Variants in NME9 observed in about 807,000 individuals in gnomAD.
NME9 encodes thioredoxin domain-containing protein 6.
NME9 carries 48 observed loss-of-function variants against 44.4 expected under a neutral mutation model. The ratio of observed to expected loss-of-function variants is 1.08; its 90% CI spans 0.86 to 1.37. The LOEUF is 1.37. Ranked by LOEUF, NME9 falls within the 40% of genes most tolerant of loss-of-function variation. NME9 has a pLI of 0.00. For synonymous variants in NME9, 139 were observed against 147.1 expected (o/e 0.94, Z 0.40); for missense variants, 325 against 405.2 (o/e 0.80, Z 1.70).
At position 138,318,015 on chromosome 3, in the gene NME9, G is replaced by T. The variant is rs907575374; in HGVS notation, c.267+133C>A. 12 of 669,902 alleles carry T rather than the reference G, an allele frequency of 1.8e-5. No individual in the cohort carries two copies. The African/African-American group carries it at 2.0e-4, about 11-fold the overall frequency. 41.5% of individuals were successfully genotyped at this position (669,902 alleles called of 1,614,324 possible). A position where few individuals can be genotyped will look rare whatever the true frequency, so the allele number is the denominator to read the frequency against. On this transcript the variant is annotated intron_variant, in intron 4 of 10. Coordinates refer to ENST00000333911, the MANE Select transcript of NME9 (RefSeq NM_001349018.2). Reference sequence around the variant, plus strand: ...GGCATCAGAGAAAACAGCATCACTTGTTTGAATCTGTGAGGCCTCTTGGTG... The same window carrying T: ...GGCATCAGAGAAAACAGCATCACTTTTTTGAATCTGTGAGGCCTCTTGGTG...
intron 8 of NME9, chr3:138,264,133 G>A (rs1191013521): frequency 6.2e-7 from 1 of 1,612,352 alleles, no homozygotes; most frequent in Admixed American, 1.7e-5. Flanking sequence ...CTTTGTAGAT[G>A]TTTGCACAGT....
rs369868938 is a variant in NME9 at position 138,304,825 on chromosome 3, G to A, written c.791+48C>T. The A allele has an allele frequency of 5.7e-6, 9 of 1,583,356 alleles. No individual in the cohort carries two copies. In the African/African-American group the frequency reaches 1.1e-4, roughly 19 times the overall value. On this transcript the variant is annotated intron_variant, in intron 9 of 10. Transcript: ENST00000333911. ...ACACTGAGTGGGACTCAGCCTCCTG[G>A]GATGCAGGTTTTAAGATGGATGAAA...
chr3:138,293,599 G>C (rs2051194312), intron 8 of NME9, among the ~76,000 whole-genome samples: 1 of 152,046 alleles, frequency 6.6e-6, no homozygotes, highest in Non-Finnish European at 1.5e-5. Flanking sequence ...CTGGTCAGAT[G>C]AGTGTACCAT....
At chr3:138,272,745 C>A (rs1414696201) in intron 8 of NME9, among the ~76,000 whole-genome samples, 1 of 152,040 alleles carries the variant, frequency 6.6e-6, no homozygotes, top group African/African-American at 2.4e-5. Flanking sequence ...CGTGGTGGCT[C>A]GCGCCTGTAC....
intron 8 of NME9, among the ~76,000 whole-genome samples, chr3:138,286,263 A>G (rs776901108): frequency 6.6e-6 from 1 of 152,070 alleles, no homozygotes; most frequent in Non-Finnish European, 1.5e-5. Flanking sequence ...GACTTCTTAA[A>G]AGCATCTTTT....
intron 8 of NME9, among the ~76,000 whole-genome samples, chr3:138,275,206 T>C (rs1030504042): frequency 6.6e-6 from 1 of 152,248 alleles, no homozygotes; most frequent in Admixed American, 6.5e-5. Context: ...CCAGAGATAC[T>C]GGCGATCTTC....
At chr3:138,282,602 A>C (rs1199582862) in intron 8 of NME9, among the ~76,000 whole-genome samples, 9 of 145,518 alleles carry the variant, frequency 6.2e-5, no homozygotes, top group Admixed American at 5.8e-4. Context: ...GCCCAGATGC[A>C]CTCTAGCCTG....
intron 8 of NME9, among the ~76,000 whole-genome samples, chr3:138,288,388 T>C (rs2050621940): frequency 6.6e-6 from 1 of 152,254 alleles, no homozygotes; most frequent in Admixed American, 6.5e-5. Context: ...AATTGTCATA[T>C]GACAGTGTTT....
intron 8 of NME9, among the ~76,000 whole-genome samples, chr3:138,282,680 C>T (rs2050051911): frequency 6.6e-6 from 1 of 151,170 alleles, no homozygotes; most frequent in Non-Finnish European, 1.5e-5. Flanking sequence ...ATTTAATTAC[C>T]TTATCCTGTA....
Position 138,290,586 on chromosome 3 carries a change from C to T in NME9, c.745+12921G>A, listed in dbSNP as rs1204179969. ...AGGATAAATTACGAGACATGGGCAT[C>T]GTAGATATTCTACACAAACTGAGTC... is the stretch of plus-strand genomic sequence containing the variant. On this transcript the variant is annotated intron_variant, in intron 8 of 8. Transcript: ENST00000317876. 6 of 1,607,410 alleles carry T rather than the reference C, an allele frequency of 3.7e-6. No individual in the cohort carries two copies. The Admixed American group carries it at 5.1e-5, about 14-fold the overall frequency.
intron 10 of NME9, among the ~76,000 whole-genome samples, chr3:138,302,158 T>A (rs2108426369): frequency 6.6e-6 from 1 of 152,294 alleles, no homozygotes; most frequent in Middle Eastern, 3.4e-3. Flanking sequence ...CTAACTACAG[T>A]GGAGGCATAT....
chr3:138,278,654 G>A (rs77269851), intron 8 of NME9, among the ~76,000 whole-genome samples: 2,438 of 152,212 alleles, frequency 0.016, 35 homozygotes, highest in Middle Eastern at 0.044. Context: ...TTGGGAGGAC[G>A]TGACATCTTA....
At chr3:138,327,689 C>T (rs1161826386) in intron 1 of NME9, among the ~76,000 whole-genome samples, 2 of 152,120 alleles carry the variant, frequency 1.3e-5, no homozygotes, top group Admixed American at 6.5e-5. Flanking sequence ...TTAGGCATTG[C>T]TTTCAAGGGG....
intron 8 of NME9, among the ~76,000 whole-genome samples, chr3:138,293,887 G>A (rs964500246): frequency 1.3e-5 from 2 of 152,174 alleles, no homozygotes; most frequent in African/African-American, 4.8e-5. Context: ...GACCACTCTG[G>A]TGCTGTTTTC....
At chr3:138,305,971 G>A (rs2052224617) in intron 8 of NME9, 33 bp downstream of exon 8, 1 of 1,328,550 alleles carries the variant, frequency 7.5e-7, no homozygotes, top group African/African-American at 1.4e-5. Flanking sequence ...AGAAACGACA[G>A]TGTGTTGAAC....
intron 8 of NME9, among the ~76,000 whole-genome samples, chr3:138,294,530 C>A (rs1299966719): frequency 2.6e-5 from 4 of 152,176 alleles, no homozygotes; most frequent in Admixed American, 1.3e-4. Context: ...TCTTTAGAGT[C>A]TTATATAATT....
At chr3:138,290,510 G>A in intron 8 of NME9, 2 of 1,472,256 alleles carry the variant, frequency 1.4e-6, no homozygotes, top group East Asian at 2.4e-5. Context: ...CATTTGCCTG[G>A]GTCATGTTCC....
At chr3:138,305,210 G>C (rs2052156293) in intron 8 of NME9, among the ~76,000 whole-genome samples, 183 bp from the exon 9 acceptor site, 1 of 152,200 alleles carries the variant, frequency 6.6e-6, no homozygotes, top group African/African-American at 2.4e-5. Flanking sequence ...GCCTGCTGTG[G>C]AGGGTGTCAG....
chr3:138,290,929 A>G (rs973464095), intron 8 of NME9, among the ~76,000 whole-genome samples: 1 of 152,210 alleles, frequency 6.6e-6, no homozygotes, highest in Non-Finnish European at 1.5e-5. Flanking sequence ...TAGAATAGAC[A>G]TGCATGTGGC....
Sources: allele counts gnomAD v4.1 joint callset (sites outside exome capture counted in the v4.1 genomes callset), GRCh38; gene constraint gnomAD v4.1.1; transcripts MANE v1.5; gene names NCBI Gene and HGNC (gene_info 2026-07-23, HGNC 2026-07-21).